The following SLC15A2 variants were observed in gnomAD, a reference collection of about 807,000 sequenced individuals.
SLC15A2 encodes the protein kidney H(+)/peptide cotransporter.
In SLC15A2, 77 loss-of-function variants were observed where a neutral mutation model predicts 95.5. The ratio of observed to expected loss-of-function variants is 0.81; its 90% confidence interval spans 0.67 to 0.97. The LOEUF (loss-of-function observed/expected upper bound fraction) is 0.97, where lower values mean the gene tolerates loss of function less well. Among genes scored for constraint, SLC15A2 ranks in the 50% least tolerant of loss-of-function variants. The pLI is 0.00. For synonymous variants in SLC15A2, 306 were observed against 306.9 expected (o/e 1.00, Z 0.03); for missense variants, 893 against 874.4 (o/e 1.02, Z -0.27).
intron 19 of SLC15A2, among the ~76,000 whole-genome samples, chr3:121,933,559 T>C (rs1199585901): frequency 6.6e-6 from 1 of 151,804 alleles, no homozygotes; most frequent in African/African-American, 2.4e-5. Context: ...ATAAATGTCT[T>C]CTTTTGAGAA....
At chr3:121,913,174 G>C in intron 5 of SLC15A2, 54 bp downstream of exon 5, 2 of 1,376,620 alleles carry the variant, frequency 1.5e-6, no homozygotes, top group Non-Finnish European at 1.0e-6. Flanking sequence ...CATTAATGGG[G>C]GTATCTGGCA....
intron 7 of SLC15A2, among the ~76,000 whole-genome samples, chr3:121,920,211 T>C (rs1709976921): frequency 6.6e-6 from 1 of 152,234 alleles, no homozygotes; most frequent in Admixed American, 6.5e-5. Context: ...GTGTCCAGCC[T>C]CTTTCTAGGA....
intron 5 of SLC15A2, 94 bp downstream of exon 5, chr3:121,913,214 T>A: frequency 1.1e-6 from 1 of 909,200 alleles, no homozygotes; most frequent in Non-Finnish European, 1.8e-6. Context: ...TGAAGTAATG[T>A]ACTGGTCAGA....
At chr3:121,931,860 T>C in intron 19 of SLC15A2, 125 bp downstream of exon 19, 1 of 613,436 alleles carries the variant, frequency 1.6e-6, no homozygotes, top group Non-Finnish European at 2.9e-6. Context: ...TATTTATTTC[T>C]AGCATAAGAT....
At chr3:121,929,468 G>C in intron 17 of SLC15A2, 120 bp downstream of exon 17, 1 of 1,068,890 alleles carries the variant, frequency 9.4e-7, no homozygotes, top group Non-Finnish European at 1.4e-6. Context: ...AATGCCAGGG[G>C]CACTGGTGTC....
intron 5 of SLC15A2, 116 bp downstream of exon 5, chr3:121,913,236 C>A: frequency 1.4e-6 from 1 of 715,366 alleles, no homozygotes; most frequent in Non-Finnish European, 2.4e-6. Context: ...CTTATCTGAG[C>A]AGTTGTATTC....
chr3:121,929,407 A>G (rs2107603928), intron 17 of SLC15A2, 59 bp downstream of exon 17: 1 of 1,540,570 alleles, frequency 6.5e-7, no homozygotes, highest in Non-Finnish European at 9.0e-7. Flanking sequence ...GATCTCTTCT[A>G]ATCTTTGGGG....
chr3:121,902,882 G>A (rs1709546949), intron 3 of SLC15A2, among the ~76,000 whole-genome samples: 1 of 152,184 alleles, frequency 6.6e-6, no homozygotes, highest in African/African-American at 2.4e-5. Context: ...CCCAGTAATG[G>A]GATGGCTGGG....
intron 3 of SLC15A2, among the ~76,000 whole-genome samples, chr3:121,906,803 AT>A (rs1296450614): frequency 6.6e-6 from 1 of 151,490 alleles, no homozygotes; most frequent in Non-Finnish European, 1.5e-5. Flanking sequence ...TTTTTCCTTC[AT>A]TTCAACTTTG....
intron 16 of SLC15A2, 78 bp downstream of exon 16, chr3:121,929,224 T>C (rs1336334646): frequency 6.2e-7 from 1 of 1,603,448 alleles, no homozygotes; most frequent in Non-Finnish European, 8.5e-7. Context: ...TTACCAAGGA[T>C]CTGCCTGATG....
intron 19 of SLC15A2, among the ~76,000 whole-genome samples, chr3:121,938,505 C>T (rs1710396202): frequency 6.6e-6 from 1 of 152,114 alleles, no homozygotes; most frequent in African/African-American, 2.4e-5. Context: ...GCGCAGTATT[C>T]CGGTGGGAGT....
intron 19 of SLC15A2, among the ~76,000 whole-genome samples, chr3:121,933,831 C>A (rs1424293827): frequency 4.1e-5 from 6 of 147,174 alleles, no homozygotes; most frequent in African/African-American, 7.5e-5. Context: ...ACATGAAGTC[C>A]TTGCCCATGC....
At chr3:121,911,438 C>T in intron 3 of SLC15A2, 136 bp from the exon 4 acceptor site, 1 of 618,232 alleles carries the variant, frequency 1.6e-6, no homozygotes, top group Non-Finnish European at 2.9e-6. Context: ...ATTTGGATTT[C>T]TCAGATAATT....
In SLC15A2 at chr3:121,894,427, G is replaced by C; in HGVS notation, c.-50G>C. On this transcript the variant is annotated 5_prime_UTR_variant, in exon 1 of 22. Coordinates refer to ENST00000489711, the MANE Select transcript of SLC15A2 (RefSeq NM_021082.4). ...GAGTAGGCTGGCAGCTGTCCTAACT[G>C]CCTACTAAAGCCAAATGCTTGAGGA... 2 of 1,465,662 alleles carry C rather than the reference G, an allele frequency of 1.4e-6. No homozygotes were observed. The highest frequency in any genetic ancestry group is 1.4e-5 in the African/African-American group (1 of 71,390). The allele number at this position is 1,465,662 out of a possible 1,614,324, so 90.8% of individuals were successfully genotyped here. A position where few individuals can be genotyped will look rare whatever the true frequency, so the allele number is the denominator to read the frequency against.
At position 121,941,762 on chromosome 3, in the gene SLC15A2, G is replaced by A. The variant is rs976625956; in HGVS notation, c.*755G>A. The A allele has an allele frequency of 6.6e-6, 1 of 152,202 alleles. No individual in the cohort carries two copies. Among genetic ancestry groups the A allele is most frequent in the Non-Finnish European group, 1.5e-5 (1 of 68,028 alleles). The allele number at this position is 152,202 out of a possible 1,614,324, so 9.4% of individuals were successfully genotyped here. On this transcript the variant is annotated 3_prime_UTR_variant, in exon 22 of 22. Transcript: ENST00000489711. Reference sequence around the variant, plus strand: ...AGGTGTAAGTTGTAGAAATCCTGAAGAGCCAGTCATTCTTTTACAGAGTAC... The same window carrying A: ...AGGTGTAAGTTGTAGAAATCCTGAAAAGCCAGTCATTCTTTTACAGAGTAC...
intron 3 of SLC15A2, among the ~76,000 whole-genome samples, chr3:121,911,253 G>A (rs903504064): frequency 6.6e-6 from 1 of 152,184 alleles, no homozygotes; most frequent in East Asian, 1.9e-4. Context: ...TTCTTGTCAT[G>A]TCTGTACAAA....
intron 17 of SLC15A2, among the ~76,000 whole-genome samples, chr3:121,929,846 C>G (rs1249463269): frequency 1.3e-5 from 2 of 152,024 alleles, no homozygotes; most frequent in Non-Finnish European, 2.9e-5. Flanking sequence ...GGGACAGTTA[C>G]AGAGATGGAG....
At chr3:121,911,457 C>T in intron 3 of SLC15A2, 117 bp from the exon 4 acceptor site, 4 of 651,152 alleles carry the variant, frequency 6.1e-6, no homozygotes, top group Middle Eastern at 2.6e-4. Context: ...TTCTTTCCTC[C>T]TCCCTCCTCC....
intron 7 of SLC15A2, among the ~76,000 whole-genome samples, chr3:121,920,538 C>T (rs2107593684): frequency 6.6e-6 from 1 of 152,246 alleles, no homozygotes; most frequent in African/African-American, 2.4e-5. Flanking sequence ...CCTTGTAATC[C>T]ATCCGCCTTA....
Sources: allele counts gnomAD v4.1 joint callset (sites outside exome capture counted in the v4.1 genomes callset), GRCh38; gene constraint gnomAD v4.1.1; transcripts MANE v1.5; gene names NCBI Gene and HGNC (gene_info 2026-07-23, HGNC 2026-07-21).